Variants in HS6ST1 observed in about 807,000 individuals in gnomAD.
HS6ST1 encodes the protein heparan-sulfate 6-O-sulfotransferase 1.
Under a neutral mutation model 25.2 loss-of-function variants are expected in HS6ST1, and 3 were observed. That is an observed-to-expected ratio of 0.12 (90% CI 0.05 to 0.31). HS6ST1 has a LOEUF of 0.31. Among genes scored for constraint, HS6ST1 ranks in the 10% least tolerant of loss-of-function variants. The pLI is 1.00. For missense variants in HS6ST1, 310 were observed against 609.6 expected (o/e 0.51, Z 5.18); for synonymous variants, 204 against 275.1 (o/e 0.74, Z 2.56).
rs1236871849 is a variant in HS6ST1, at chr2:128,268,357, C to G, written c.1041G>C (p.Leu347=). The G allele has an allele frequency of 6.2e-7, 1 of 1,613,692 alleles. No individual in the cohort carries two copies. The highest frequency in any genetic ancestry group is 1.1e-5 in the South Asian group (1 of 91,080). ...GGAAGAGGTCCTTGGCGTAGTCGTA[C>G]AGCTGCATGTCCAGGTCGTTGAGCT... The part of the protein sequence containing the change: ...IEELNDLDMQ[L]YDYAKDLFQQ... Residue 347 remains leucine (L), a synonymous_variant, in exon 2 of 2, where the codon CTG becomes CTC. Coordinates refer to ENST00000259241, the MANE Select transcript of HS6ST1 (RefSeq NM_004807.3).
intron 1 of HS6ST1, among the ~76,000 whole-genome samples, chr2:128,272,102 C>T (rs1295880198): frequency 6.6e-6 from 1 of 152,204 alleles, no homozygotes; most frequent in East Asian, 1.9e-4. Context: ...GTCCCTTCTC[C>T]CTGGCAGCGA....
intron 1 of HS6ST1, among the ~76,000 whole-genome samples, chr2:128,293,833 G>A (rs1455054846): frequency 1.3e-5 from 2 of 152,184 alleles, no homozygotes; most frequent in African/African-American, 2.4e-5. Context: ...TGTGAGCAGG[G>A]TCTGTGGCCA....
chr2:128,274,260 G>C (rs1008153229), intron 1 of HS6ST1, among the ~76,000 whole-genome samples: 1 of 152,176 alleles, frequency 6.6e-6, no homozygotes. Flanking sequence ...CCGAGCAAAT[G>C]AATGTGGGGA....
intron 1 of HS6ST1, among the ~76,000 whole-genome samples, chr2:128,279,569 T>A (rs1390947884): frequency 6.6e-6 from 1 of 151,590 alleles, no homozygotes; most frequent in Non-Finnish European, 1.5e-5. Flanking sequence ...GGACCAGGGG[T>A]CCCACCATGA....
intron 1 of HS6ST1, among the ~76,000 whole-genome samples, chr2:128,302,457 C>T (rs746773905): frequency 1.6e-4 from 25 of 152,162 alleles, no homozygotes; most frequent in Non-Finnish European, 3.5e-4. Flanking sequence ...CCTCCCAGCC[C>T]CAGCCCTGTG....
intron 1 of HS6ST1, among the ~76,000 whole-genome samples, chr2:128,292,185 C>T (rs554291631): frequency 2.2e-4 from 34 of 152,328 alleles, no homozygotes; most frequent in Non-Finnish European, 4.4e-4. Flanking sequence ...CCTCTCAGTG[C>T]CACAGAGACC....
chr2:128,316,218 G>T (rs889502192), intron 1 of HS6ST1, among the ~76,000 whole-genome samples: 2 of 152,254 alleles, frequency 1.3e-5, no homozygotes, highest in African/African-American at 4.8e-5. Context: ...ACAGGCGTGC[G>T]GGGCTGCAGG....
chr2:128,311,581 C>T (rs1239025901), intron 1 of HS6ST1, among the ~76,000 whole-genome samples: 1 of 152,232 alleles, frequency 6.6e-6, no homozygotes, highest in East Asian at 1.9e-4. Flanking sequence ...GAGGTCTGAC[C>T]TAGAAACACC....
intron 1 of HS6ST1, among the ~76,000 whole-genome samples, chr2:128,315,165 C>T (rs1426269540): frequency 6.6e-6 from 1 of 152,232 alleles, no homozygotes; most frequent in African/African-American, 2.4e-5. Flanking sequence ...ATGGTGAACA[C>T]AGGACTAAAC....
In HS6ST1 at chr2:128,267,968, G is replaced by T; in HGVS notation, c.*194C>A. The T allele has an allele frequency of 6.5e-6, 4 of 615,812 alleles. No homozygotes were observed. Among genetic ancestry groups the T allele is most frequent in the Non-Finnish European group, 1.2e-5 (4 of 346,840 alleles). The allele number at this position is 615,812 out of a possible 1,614,324, so 38.1% of individuals were successfully genotyped here. ...ACGCTTTCCTCTGACCCACTGGGCTGCACCTGTTGATTTCTCAAGCCCCCA... is the reference window on the plus strand; with the variant it reads ...ACGCTTTCCTCTGACCCACTGGGCTTCACCTGTTGATTTCTCAAGCCCCCA... On this transcript the variant is annotated 3_prime_UTR_variant, in exon 2 of 2. Coordinates refer to ENST00000259241, the MANE Select transcript of HS6ST1 (RefSeq NM_004807.3).
At position 128,268,302 on chromosome 2, in the gene HS6ST1, C is replaced by T; in HGVS notation, c.1096G>A (p.Glu366Lys). Residue 366 changes from glutamate (E) to lysine (K), a missense_variant, in exon 2 of 2, where the codon GAG (glutamate) becomes AAG (lysine). By Grantham distance (56) the Glu-to-Lys change is moderately conservative (BLOSUM62 1). This residue lies in a region of HS6ST1 where 140 missense variants were observed against 176.5 expected (regional missense o/e 0.79). Coordinates refer to ENST00000259241, the MANE Select transcript of HS6ST1 (RefSeq NM_004807.3). ...QQRYQYKRQLERREQRLRSRE... is the reference protein window; with the variant it reads ...QQRYQYKRQLKRREQRLRSRE... The stretch of plus-strand genomic sequence containing the variant: ...CTCCTCAGGCGCTGCTCCCTGCGCT[C>T]CAGCTGCCGCTTGTACTGGTAGCGC... 1 of 1,613,172 alleles carries T rather than the reference C, an allele frequency of 6.2e-7. No homozygotes were observed. The highest frequency in any genetic ancestry group is 8.5e-7 in the Non-Finnish European group (1 of 1,179,846).
intron 1 of HS6ST1, among the ~76,000 whole-genome samples, chr2:128,297,217 A>T (rs1387163375): frequency 6.6e-6 from 1 of 152,238 alleles, no homozygotes; most frequent in East Asian, 1.9e-4. Flanking sequence ...TACGATAAAG[A>T]GCCCAGAAAT....
chr2:128,297,976 A>G (rs943827180), intron 1 of HS6ST1, among the ~76,000 whole-genome samples: 1 of 152,158 alleles, frequency 6.6e-6, no homozygotes, highest in Non-Finnish European at 1.5e-5. Flanking sequence ...ATATATAAAG[A>G]ACTCCTATAA....
chr2:128,269,956 G>A (rs544808645), intron 1 of HS6ST1, among the ~76,000 whole-genome samples: 114 of 152,212 alleles, frequency 7.5e-4, no homozygotes, highest in Non-Finnish European at 1.4e-3. Flanking sequence ...CTTGGTGTCC[G>A]CTGGCAACTG....
At position 128,301,028 on chromosome 2, in the gene HS6ST1, T is replaced by A. The variant is rs142427898; in HGVS notation, c.527+17009A>T. ...GCCCTGGGTCACAAAGTTTGAGGAG[T>A]CTGGGCTTTTGGCTGCTTGGGTACA... On this transcript the variant is annotated intron_variant, in intron 1 of 1. Transcript: ENST00000259241. Among the ~76,000 whole-genome samples, 654 of 152,228 alleles carry A rather than the reference T, an allele frequency of 4.3e-3. 5 individuals carry two copies. The highest frequency in any genetic ancestry group is 0.015 in the African/African-American group (619 of 41,528).
intron 1 of HS6ST1, among the ~76,000 whole-genome samples, chr2:128,293,769 C>T (rs1693994490): frequency 6.6e-6 from 1 of 152,152 alleles, no homozygotes; most frequent in Admixed American, 6.5e-5. Flanking sequence ...TTTTGGGGGT[C>T]CTCTGGGGGA....
At chr2:128,277,176 G>T (rs946093230) in intron 1 of HS6ST1, among the ~76,000 whole-genome samples, 1 of 152,136 alleles carries the variant, frequency 6.6e-6, no homozygotes, top group Admixed American at 6.5e-5. Flanking sequence ...CCTCATTGCT[G>T]CCAACCTGAT....
At chr2:128,273,574 C>T (rs748043049) in intron 1 of HS6ST1, among the ~76,000 whole-genome samples, 2 of 152,232 alleles carry the variant, frequency 1.3e-5, no homozygotes, top group South Asian at 2.1e-4. Flanking sequence ...ATGCCCAACA[C>T]GCAGAGCCCT....
At chr2:128,277,470 T>C (rs1693713653) in intron 1 of HS6ST1, among the ~76,000 whole-genome samples, 1 of 152,170 alleles carries the variant, frequency 6.6e-6, no homozygotes, top group African/African-American at 2.4e-5. Context: ...ACTACCACCA[T>C]CCAGTCAGTG....
Sources: allele counts gnomAD v4.1 joint callset (sites outside exome capture counted in the v4.1 genomes callset), GRCh38; gene constraint gnomAD v4.1.1; regional missense constraint gnomAD v4.1.1; transcripts MANE v1.5; gene names NCBI Gene and HGNC (gene_info 2026-07-23, HGNC 2026-07-21).